G3BP2: variants seen among roughly 807,000 people sequenced by gnomAD.
G3BP2 encodes the protein G3BP stress granule assembly factor 2, also known as ras GTPase-activating protein-binding protein 2.
A neutral mutation model predicts 56.7 loss-of-function variants in G3BP2; 11 were observed. The observed-to-expected ratio is 0.19, with a 90% confidence interval of 0.12 to 0.32. The LOEUF is 0.32. Among genes scored for constraint, G3BP2 ranks in the 10% least tolerant of loss-of-function variants. The pLI, the probability that G3BP2 is intolerant of heterozygous loss-of-function variation, is 1.00. For synonymous variants in G3BP2, 165 were observed against 191.6 expected, an observed-to-expected ratio of 0.86 and a Z score of 1.15; for missense variants, 340 against 610.9, an observed-to-expected ratio of 0.56 and a Z score of 4.67.
chr4:75,700,473 T>G (rs200940895), intron 3 of G3BP2, among the ~76,000 whole-genome samples: 1 of 76,832 alleles, frequency 1.3e-5, no homozygotes, highest in Non-Finnish European at 3.3e-5. Flanking sequence ...CAGGCTGGAG[T>G]GCAGTGGTGC....
intron 4 of G3BP2, among the ~76,000 whole-genome samples, chr4:75,657,258 G>GA (rs1484087230): frequency 6.6e-6 from 1 of 152,056 alleles, no homozygotes; most frequent in Non-Finnish European, 1.5e-5. Context: ...CTATTTAATA[G>GA]AAAAGAAACC....
At chr4:75,678,531 C>A (rs1560409792) in intron 3 of G3BP2, among the ~76,000 whole-genome samples, 1 of 152,182 alleles carries the variant, frequency 6.6e-6, no homozygotes, top group Non-Finnish European at 1.5e-5. Context: ...TTTAAAGAGT[C>A]TGGCTGGGCA....
chr4:75,719,575 T>C (rs1162073609), intron 3 of G3BP2, among the ~76,000 whole-genome samples: 1 of 152,076 alleles, frequency 6.6e-6, no homozygotes, highest in African/African-American at 2.4e-5. Context: ...CCTCAACTAT[T>C]CCAAGTCCTT....
At chr4:75,689,375 C>CAA (rs1016188020) in intron 3 of G3BP2, among the ~76,000 whole-genome samples, 18 of 109,822 alleles carry the variant, frequency 1.6e-4, no homozygotes, top group African/African-American at 4.8e-4. Flanking sequence ...GACTCCATCT[C>CAA]AAAAAAAAAA....
chr4:75,685,207 C>CA (rs904733126), intron 3 of G3BP2, among the ~76,000 whole-genome samples: 28 of 147,814 alleles, frequency 1.9e-4, no homozygotes, highest in South Asian at 1.3e-3. Context: ...AAACACAAAA[C>CA]AAAAAAAAAC....
intron 3 of G3BP2, 116 bp from the exon 4 acceptor site, chr4:75,657,846 G>C (rs1422975431): frequency 2.3e-5 from 15 of 652,172 alleles, no homozygotes; most frequent in Non-Finnish European, 3.6e-5. Context: ...TAATCTTCCT[G>C]AACTGAATCC....
At chr4:75,716,781 C>T (rs1460756076) in intron 3 of G3BP2, among the ~76,000 whole-genome samples, 1 of 152,146 alleles carries the variant, frequency 6.6e-6, no homozygotes, top group Admixed American at 6.5e-5. Flanking sequence ...TCCCAAAGTG[C>T]TGGGATTACA....
upstream of G3BP2, among the ~76,000 whole-genome samples, chr4:75,677,061 A>G (rs765662440): frequency 6.6e-6 from 1 of 152,218 alleles, no homozygotes; most frequent in Non-Finnish European, 1.5e-5. Context: ...TAAATTTTTA[A>G]AAGTAAAATT....
intron 6 of G3BP2, among the ~76,000 whole-genome samples, chr4:75,655,470 T>C (rs968231716): frequency 1.3e-5 from 2 of 152,204 alleles, no homozygotes; most frequent in Non-Finnish European, 2.9e-5. Flanking sequence ...ACTAAGAATG[T>C]TTACTTTAGT....
At chr4:75,702,367 C>T (rs1303706317) in intron 3 of G3BP2, among the ~76,000 whole-genome samples, 1 of 151,996 alleles carries the variant, frequency 6.6e-6, no homozygotes, top group Non-Finnish European at 1.5e-5. Context: ...TGGTCTTGAA[C>T]TCCTGAGCTC....
Position 75,681,325 on chromosome 4 carries a change from AAAAT to A in G3BP2, c.-24-19280_-24-19277del, listed in dbSNP as rs58606796. Among the ~76,000 whole-genome samples, 8 of 150,000 alleles carry A rather than the reference AAAAT, an allele frequency of 5.3e-5. No homozygotes were observed. The South Asian group carries it at 1.1e-3, about 20-fold the overall frequency. On this transcript the variant is annotated intron_variant, in intron 3 of 3. Coordinates refer to the G3BP2 transcript ENST00000499709. ...GGCGAAAGAGCGAGACTCCGTCTCA[AAAAT>A]AAATAAATAAATAAATATAGTCAAA...
intron 2 of G3BP2, chr4:75,661,676 T>G: frequency 3.4e-6 from 1 of 290,640 alleles, no homozygotes; most frequent in Non-Finnish European, 6.5e-6. Flanking sequence ...AATACTAGAG[T>G]ACATATAAGA....
In G3BP2 at chr4:75,661,914, A is replaced by G. The variant is rs377752105; in HGVS notation, c.95+17T>C. On this transcript the variant is annotated intron_variant, in intron 2 of 11. Transcript: ENST00000359707. ...AAAAAGTAGATAAAAATACCAAATTATTTGTTTAAAATTTACCTGTGTAAA... is the reference window on the plus strand; with the variant it reads ...AAAAAGTAGATAAAAATACCAAATTGTTTGTTTAAAATTTACCTGTGTAAA... 13 of 1,292,066 alleles carry G rather than the reference A, an allele frequency of 1.0e-5. No individual in the cohort carries two copies. The African/African-American group carries it at 1.7e-4, about 17-fold the overall frequency. The allele number at this position is 1,292,066 out of a possible 1,614,324, so 80.0% of individuals were successfully genotyped here. A position where few individuals can be genotyped will look rare whatever the true frequency, so the allele number is the denominator to read the frequency against.
intron 8 of G3BP2, among the ~76,000 whole-genome samples, chr4:75,652,684 T>C (rs1731793553): frequency 6.6e-6 from 1 of 152,154 alleles, no homozygotes; most frequent in Non-Finnish European, 1.5e-5. Context: ...TCCCACTGCA[T>C]GACTTCAAAG....
At chr4:75,682,790 G>A (rs1271208579) in intron 3 of G3BP2, among the ~76,000 whole-genome samples, 1 of 151,936 alleles carries the variant, frequency 6.6e-6, no homozygotes, top group African/African-American at 2.4e-5. Context: ...GACCATCCTG[G>A]CCAACACGGT....
chr4:75,695,974 CAAAAAAAAAAA>C (rs397807027), intron 3 of G3BP2, among the ~76,000 whole-genome samples: 1 of 11,944 alleles, frequency 8.4e-5, no homozygotes, highest in Non-Finnish European at 1.5e-4. Flanking sequence ...AACTCTGTCT[CAAAAAAAAAAA>C]AAAAAAAAAA....
intron 5 of G3BP2, 147 bp downstream of exon 5, chr4:75,656,777 G>A (rs184414220): frequency 2.2e-5 from 13 of 600,084 alleles, no homozygotes; most frequent in African/African-American, 5.9e-5. Flanking sequence ...TTGTAACAAC[G>A]ACAACAACAA....
intron 3 of G3BP2, among the ~76,000 whole-genome samples, chr4:75,692,793 C>A (rs1293590866): frequency 6.6e-6 from 1 of 152,158 alleles, no homozygotes; most frequent in African/African-American, 2.4e-5. Flanking sequence ...AAGGAAAAGT[C>A]ATGAGAACAC....
intron 1 of G3BP2, among the ~76,000 whole-genome samples, chr4:75,665,458 T>C (rs1016274582): frequency 2.6e-5 from 4 of 152,006 alleles, no homozygotes; most frequent in African/African-American, 9.7e-5. Context: ...ACATTTAAAG[T>C]AACAAAGCAC....
Sources: allele counts gnomAD v4.1 joint callset (sites outside exome capture counted in the v4.1 genomes callset), GRCh38; gene constraint gnomAD v4.1.1; transcripts MANE v1.5; gene names NCBI Gene and HGNC (gene_info 2026-07-23, HGNC 2026-07-21).